PTPRR: variants seen among roughly 807,000 people sequenced by gnomAD.
PTPRR encodes the protein receptor-type tyrosine-protein phosphatase R.
In PTPRR, 38 loss-of-function variants were observed where a neutral mutation model predicts 77.2. The ratio of observed to expected loss-of-function variants is 0.49; its 90% CI spans 0.38 to 0.65. PTPRR has a LOEUF of 0.65. Among genes scored for constraint, PTPRR ranks in the 30% least tolerant of loss-of-function variants. The pLI is 0.00. For synonymous variants in PTPRR, 299 were observed against 283.1 expected (o/e 1.06, Z -0.57); for missense variants, 744 against 799.2 (o/e 0.93, Z 0.83).
intron 2 of PTPRR, among the ~76,000 whole-genome samples, chr12:70,885,649 C>T (rs887825673): frequency 1.3e-5 from 2 of 151,644 alleles, no homozygotes; most frequent in African/African-American, 4.8e-5. Flanking sequence ...ATTCTCCTGC[C>T]TCAGCCTCCC....
chr12:70,733,920 GA>G (rs1302844361), intron 6 of PTPRR, among the ~76,000 whole-genome samples: 2 of 152,104 alleles, frequency 1.3e-5, no homozygotes, highest in African/African-American at 4.8e-5. Flanking sequence ...CACTTCCCAG[GA>G]AAACAATGTT....
At chr12:70,757,998 G>A (rs1362470666) in intron 4 of PTPRR, among the ~76,000 whole-genome samples, 1 of 152,196 alleles carries the variant, frequency 6.6e-6, no homozygotes, top group African/African-American at 2.4e-5. Context: ...CCACTGGGGT[G>A]CCTGCTCACT....
chr12:70,670,073 C>T (rs760211056), intron 10 of PTPRR, among the ~76,000 whole-genome samples: 9 of 152,028 alleles, frequency 5.9e-5, no homozygotes, highest in Non-Finnish European at 8.8e-5. Flanking sequence ...GAGATTGAAC[C>T]GTTTGCAAAG....
Position 70,684,770 on chromosome 12 carries a change from T to A in PTPRR, c.1293A>T (p.Arg431Ser). ...TTACATTTTTTGGTCTTAAACACAC[T>A]CTGCTGAGGGGATCTAATGAAGAAA... ...YKTILPNPLS[R>S]VCLRPKNVTD... The change falls in exon 9 of 14, where the codon AGA becomes AGT. Residue 431 changes from arginine (R) to serine (S), a missense_variant. Physicochemically the swap from Arg to Ser is moderately radical, Grantham distance 110. Around this residue, in one of 3 missense-constraint regions of PTPRR, gnomAD observed 570 missense variants for 573.2 expected, o/e 0.99. Coordinates refer to ENST00000283228, the MANE Select transcript of PTPRR (RefSeq NM_002849.4). 1 of 1,602,396 alleles carries A rather than the reference T, an allele frequency of 6.2e-7. No individual in the cohort carries two copies. The highest frequency in any genetic ancestry group is 8.5e-7 in the Non-Finnish European group (1 of 1,173,202).
At chr12:70,819,788 T>C (rs1338797839) in intron 2 of PTPRR, among the ~76,000 whole-genome samples, 1 of 152,218 alleles carries the variant, frequency 6.6e-6, no homozygotes, top group African/African-American at 2.4e-5. Flanking sequence ...TTGCTTTTGG[T>C]CAAACTTATT....
At chr12:70,674,557 T>C (rs910433773) in intron 10 of PTPRR, among the ~76,000 whole-genome samples, 3 of 152,160 alleles carry the variant, frequency 2.0e-5, no homozygotes, top group Non-Finnish European at 4.4e-5. Flanking sequence ...TTTAATCTTA[T>C]CTTTCTGCTT....
chr12:70,759,679 TAAAAA>T (rs34011060), intron 4 of PTPRR, among the ~76,000 whole-genome samples: 3 of 34,436 alleles, frequency 8.7e-5, no homozygotes, highest in East Asian at 1.2e-3. Flanking sequence ...GACTCCGTCT[TAAAAA>T]AAAAAAAAAA....
chr12:70,866,496 C>T (rs1306832979), intron 2 of PTPRR, among the ~76,000 whole-genome samples: 5 of 152,050 alleles, frequency 3.3e-5, no homozygotes, highest in South Asian at 4.2e-4. Flanking sequence ...AAGTTGAATC[C>T]CTGAATAGAC....
At chr12:70,776,844 G>A (rs542562263) in intron 2 of PTPRR, among the ~76,000 whole-genome samples, 84 of 152,052 alleles carry the variant, frequency 5.5e-4, no homozygotes, top group Non-Finnish European at 1.1e-3. Context: ...GTACTGTGTT[G>A]GACTTTAGGA....
chr12:70,765,758 C>T (rs962987387), intron 2 of PTPRR, among the ~76,000 whole-genome samples: 2 of 152,072 alleles, frequency 1.3e-5, no homozygotes, highest in African/African-American at 2.4e-5. Flanking sequence ...CTGGGAGGCA[C>T]CCCCCCAGAA....
At chr12:70,919,009 A>G (rs1893814297) in intron 1 of PTPRR, among the ~76,000 whole-genome samples, 1 of 152,258 alleles carries the variant, frequency 6.6e-6, no homozygotes, top group Non-Finnish European at 1.5e-5. Context: ...CATCATAATT[A>G]TAACAATTAA....
intron 2 of PTPRR, among the ~76,000 whole-genome samples, chr12:70,868,463 A>G (rs1892899507): frequency 6.6e-6 from 1 of 152,196 alleles, no homozygotes; most frequent in African/African-American, 2.4e-5. Context: ...CCATCAGAGA[A>G]ATGCAAATCA....
At chr12:70,668,141 C>G (rs531738446) in intron 10 of PTPRR, among the ~76,000 whole-genome samples, 2 of 152,240 alleles carry the variant, frequency 1.3e-5, no homozygotes, top group Admixed American at 1.3e-4. Flanking sequence ...ACTTCTTGCA[C>G]TGTAGACTAT....
chr12:70,825,540 C>T (rs1892094131), intron 2 of PTPRR, among the ~76,000 whole-genome samples: 1 of 152,170 alleles, frequency 6.6e-6, no homozygotes. Context: ...GAGGCCTGGG[C>T]CTGCCTTAAA....
In PTPRR at chr12:70,723,804, A is replaced by C. The variant is rs182736060; in HGVS notation, c.1007+22014T>G. ...GAGTGGTATGTGCATGGCCCAACTC[A>C]ATTTTATTTGCTTTTAGTGTGAATC... On this transcript the variant is annotated intron_variant, in intron 6 of 13. Transcript: ENST00000283228. Among the ~76,000 whole-genome samples, 896 of 152,254 alleles carry C rather than the reference A, an allele frequency of 5.9e-3. 1 individual carries two copies. The highest frequency in any genetic ancestry group is 9.6e-3 in the Non-Finnish European group (650 of 68,014).
At chr12:70,834,845 A>T (rs541039270) in intron 2 of PTPRR, among the ~76,000 whole-genome samples, 5 of 152,184 alleles carry the variant, frequency 3.3e-5, no homozygotes, top group Admixed American at 1.3e-4. Context: ...GCTAGAGAAT[A>T]TTTTTCTAGC....
In PTPRR at chr12:70,684,851, A is replaced by G. The variant is rs1230798209; in HGVS notation, c.1280-68T>C. ...CTTTTTAAAGTTCCTTAGAATGCCA[A>G]TAACCAGTAAGTAGAAACCTGTTAT... On this transcript the variant is annotated intron_variant, in intron 8 of 13. Coordinates refer to ENST00000283228, the MANE Select transcript of PTPRR (RefSeq NM_002849.4). 5.4e-6 allele frequency: 6 copies of G among 1,105,064 alleles called. No individual in the cohort carries two copies. The African/African-American group carries it at 9.5e-5, about 17-fold the overall frequency. 68.5% of individuals were successfully genotyped at this position (1,105,064 alleles called of 1,614,324 possible). A position where few individuals can be genotyped will look rare whatever the true frequency, so the allele number is the denominator to read the frequency against.
chr12:70,869,542 A>G (rs1892924909), intron 2 of PTPRR, among the ~76,000 whole-genome samples: 1 of 152,220 alleles, frequency 6.6e-6, no homozygotes, highest in African/African-American at 2.4e-5. Flanking sequence ...GGACCTGTGA[A>G]TATTACTTTA....
At chr12:70,665,865 G>A (rs540429703) in intron 10 of PTPRR, among the ~76,000 whole-genome samples, 15 of 151,900 alleles carry the variant, frequency 9.9e-5, no homozygotes, top group African/African-American at 2.7e-4. Flanking sequence ...TGCTCTATAA[G>A]CTAAAGATCT....
Sources: allele counts gnomAD v4.1 joint callset (sites outside exome capture counted in the v4.1 genomes callset), GRCh38; gene constraint gnomAD v4.1.1; regional missense constraint gnomAD v4.1.1; transcripts MANE v1.5; gene names NCBI Gene and HGNC (gene_info 2026-07-23, HGNC 2026-07-21).